Variants in ADGRL3 observed in about 807,000 individuals in gnomAD.
The protein encoded by ADGRL3 is calcium-independent alpha-latrotoxin receptor 3.
Under a neutral mutation model 153.5 loss-of-function variants are expected in ADGRL3, and 62 were observed. The observed-to-expected ratio is 0.40, with a 90% CI of 0.33 to 0.50. The LOEUF is 0.50. Among genes scored for constraint, ADGRL3 ranks in the 20% least tolerant of loss-of-function variants. ADGRL3 has a pLI of 0.47. For missense variants in ADGRL3, 1,641 were observed against 1,859.4 expected (o/e 0.88, Z 2.16); for synonymous variants, 710 against 672.5 (o/e 1.06, Z -0.86).
chr4:61,718,560 T>G (rs947796799), intron 6 of ADGRL3, among the ~76,000 whole-genome samples: 7 of 152,206 alleles, frequency 4.6e-5, no homozygotes, highest in African/African-American at 1.7e-4. Flanking sequence ...GAAGATGTAC[T>G]AAGATTTATA....
intron 2 of ADGRL3, among the ~76,000 whole-genome samples, chr4:61,465,871 G>A (rs1417631555): frequency 6.6e-6 from 1 of 151,190 alleles, no homozygotes; most frequent in East Asian, 2.0e-4. Context: ...CCTGTAACCC[G>A]AGGACTTGGG....
intron 4 of ADGRL3, among the ~76,000 whole-genome samples, chr4:61,580,330 T>C (rs1222498448): frequency 6.6e-6 from 1 of 152,104 alleles, no homozygotes; most frequent in African/African-American, 2.4e-5. Flanking sequence ...TTAGCACCTA[T>C]TAGTAATTCA....
intron 1 of ADGRL3, among the ~76,000 whole-genome samples, chr4:61,369,428 T>G (rs1405796390): frequency 6.6e-6 from 1 of 152,144 alleles, no homozygotes; most frequent in Non-Finnish European, 1.5e-5. Flanking sequence ...TATTGAGAGT[T>G]TTTAGCATGA....
chr4:61,258,617 A>G (rs1159277926), intron 1 of ADGRL3, among the ~76,000 whole-genome samples: 5 of 152,170 alleles, frequency 3.3e-5, no homozygotes, highest in African/African-American at 9.7e-5. Flanking sequence ...ACTGAAATCA[A>G]TGTTTATATA....
intron 11 of ADGRL3, among the ~76,000 whole-genome samples, chr4:61,903,343 C>T (rs182050725): frequency 1.7e-3 from 266 of 152,142 alleles, no homozygotes; most frequent in African/African-American, 6.0e-3. Context: ...TCCCATAATA[C>T]GTCATACACT....
chr4:61,297,772 GTTAC>G (rs930607766), intron 1 of ADGRL3, among the ~76,000 whole-genome samples: 1 of 151,168 alleles, frequency 6.6e-6, no homozygotes, highest in African/African-American at 2.4e-5. Context: ...CCTCTGGAAT[GTTAC>G]TTAGTACCTA....
chr4:61,743,759 G>A (rs952332580), intron 8 of ADGRL3, among the ~76,000 whole-genome samples: 11 of 152,144 alleles, frequency 7.2e-5, no homozygotes, highest in Non-Finnish European at 1.2e-4. Context: ...GAACAGCTCC[G>A]CTCTACAGCT....
intron 13 of ADGRL3, chr4:61,933,755 G>A (rs984902622): frequency 6.6e-6 from 1 of 152,154 alleles, no homozygotes; most frequent in African/African-American, 2.4e-5. Context: ...CACCAGCCAG[G>A]AGAAAACACT....
intron 25 of ADGRL3, among the ~76,000 whole-genome samples, chr4:62,050,084 C>T (rs74694198): frequency 0.22 from 33,253 of 151,588 alleles, 3,843 homozygotes; most frequent in Middle Eastern, 0.32. Flanking sequence ...TATTTTGCAG[C>T]GGTGGGAAGA....
chr4:61,609,915 A>T (rs2099046488), intron 5 of ADGRL3, among the ~76,000 whole-genome samples: 1 of 152,024 alleles, frequency 6.6e-6, no homozygotes, highest in African/African-American at 2.4e-5. Flanking sequence ...TTGAAATGAA[A>T]GATATATAAT....
intron 8 of ADGRL3, among the ~76,000 whole-genome samples, chr4:61,801,984 CA>C (rs2152488550): frequency 6.6e-6 from 1 of 152,098 alleles, no homozygotes; most frequent in Non-Finnish European, 1.5e-5. Flanking sequence ...CTGAAATGTC[CA>C]AGTTGTCTCT....
chr4:61,715,888 C>T (rs2096100389), intron 6 of ADGRL3, among the ~76,000 whole-genome samples: 2 of 147,116 alleles, frequency 1.4e-5, no homozygotes, highest in African/African-American at 5.0e-5. Flanking sequence ...ATTTTCATAA[C>T]CATCTCCTTT....
intron 4 of ADGRL3, among the ~76,000 whole-genome samples, chr4:61,532,555 C>CGCGCGCGCGCGCGCGTGTGT (rs760218872): frequency 7.6e-6 from 1 of 131,438 alleles, no homozygotes; most frequent in African/African-American, 2.8e-5. Context: ...CGCGCGCGCG[C>CGCGCGCGCGCGCGCGTGTGT]GTGTGTGTGT....
intron 9 of ADGRL3, among the ~76,000 whole-genome samples, chr4:61,852,085 C>A (rs1448699132): frequency 6.6e-6 from 1 of 152,050 alleles, no homozygotes; most frequent in African/African-American, 2.4e-5. Context: ...TGGAAAATAG[C>A]AAAACTGAGG....
At chr4:61,669,577 A>G (rs1274385212) in intron 5 of ADGRL3, among the ~76,000 whole-genome samples, 2 of 152,194 alleles carry the variant, frequency 1.3e-5, no homozygotes, top group East Asian at 3.8e-4. Context: ...GATATCTGTA[A>G]AATATTTTTC....
At chr4:61,841,717 T>C (rs2148999809) in intron 9 of ADGRL3, among the ~76,000 whole-genome samples, 1 of 152,330 alleles carries the variant, frequency 6.6e-6, no homozygotes, top group East Asian at 1.9e-4. Context: ...TTACTTATCA[T>C]GAGAAAAAAT....
chr4:61,937,580 A>G (rs989778902), intron 15 of ADGRL3, among the ~76,000 whole-genome samples: 25 of 152,008 alleles, frequency 1.6e-4, no homozygotes, highest in African/African-American at 4.4e-4. Context: ...CCCATTAGCC[A>G]TGATTATGCC....
intron 1 of ADGRL3, among the ~76,000 whole-genome samples, chr4:61,289,969 A>C (rs1230473615): frequency 6.6e-6 from 1 of 152,104 alleles, no homozygotes; most frequent in African/African-American, 2.4e-5. Context: ...AGCTCTTAGC[A>C]CTTGTCATTA....
In ADGRL3 at chr4:61,760,186, G is replaced by C. The variant is rs567870072; in HGVS notation, c.1399+26632G>C. Among the ~76,000 whole-genome samples, 8 of 152,164 alleles carry C rather than the reference G, an allele frequency of 5.3e-5. No individual in the cohort carries two copies. In the East Asian group the frequency reaches 1.5e-3, roughly 29 times the overall value. On this transcript the variant is annotated intron_variant, in intron 8 of 26. Coordinates refer to ENST00000683033, the MANE Select transcript of ADGRL3 (RefSeq NM_001387552.1). The stretch of plus-strand genomic sequence containing the variant: ...GAGAACCACTATTCTCTTCAAAGCT[G>C]TCAGACAGGGACATTTTAGTGTGCA...
Sources: gnomAD v4.1 joint callset for allele counts (sites outside exome capture counted in the v4.1 genomes callset) on GRCh38, gnomAD v4.1.1 for gene constraint, MANE v1.5 for transcripts, NCBI Gene and HGNC (gene_info 2026-07-23, HGNC 2026-07-21) for gene names.